Variants in TANC2 observed in about 807,000 individuals in gnomAD.
TANC2 encodes tetratricopeptide repeat, ankyrin repeat and coiled-coil containing 2.
TANC2 carries 26 observed loss-of-function variants against 210.5 expected under a neutral mutation model. That is an observed-to-expected ratio of 0.12 (90% CI 0.09 to 0.17). The LOEUF (loss-of-function observed/expected upper bound fraction) is 0.17. Among genes scored for constraint, TANC2 ranks in the 10% least tolerant of loss-of-function variants. The pLI is 1.00. For missense variants in TANC2, 2,129 were observed against 2,608.9 expected, an observed-to-expected ratio of 0.82 and a Z score of 4.01; for synonymous variants, 931 against 967.1, an observed-to-expected ratio of 0.96 and a Z score of 0.69.
chr17:63,386,643 C>CT (rs1458691722), intron 15 of TANC2, among the ~76,000 whole-genome samples: 1 of 151,988 alleles, frequency 6.6e-6, no homozygotes, highest in Non-Finnish European at 1.5e-5. Context: ...TTTATATGCA[C>CT]TTGTATGTAT....
intron 5 of TANC2, among the ~76,000 whole-genome samples, chr17:63,188,350 T>C (rs2041065731): frequency 6.6e-6 from 1 of 151,766 alleles, no homozygotes; most frequent in Admixed American, 6.6e-5. Flanking sequence ...TCCCAGCACT[T>C]TGAGAGGCCT....
chr17:63,001,164 C>CT (rs1183050485), intron 1 of TANC2, among the ~76,000 whole-genome samples: 2 of 152,034 alleles, frequency 1.3e-5, no homozygotes, highest in Non-Finnish European at 2.9e-5. Flanking sequence ...CCTTTCAAAA[C>CT]TTTGAACAAC....
At chr17:63,386,254 G>T (rs1463823429) in intron 15 of TANC2, among the ~76,000 whole-genome samples, 1 of 152,132 alleles carries the variant, frequency 6.6e-6, no homozygotes, top group Non-Finnish European at 1.5e-5. Flanking sequence ...GACCTTATGT[G>T]AATCCCAATT....
At chr17:63,233,109 T>G (rs1278029213) in intron 7 of TANC2, among the ~76,000 whole-genome samples, 1 of 152,052 alleles carries the variant, frequency 6.6e-6, no homozygotes, top group African/African-American at 2.4e-5. Context: ...CTGGCACCAG[T>G]AGGGGAAAAA....
chr17:63,140,001 A>G (rs1379817863), intron 4 of TANC2, among the ~76,000 whole-genome samples: 1 of 152,180 alleles, frequency 6.6e-6, no homozygotes, highest in Non-Finnish European at 1.5e-5. Flanking sequence ...GATTATAACT[A>G]CTTTTTGTTT....
chr17:63,158,125 G>T (rs186069063), intron 5 of TANC2, among the ~76,000 whole-genome samples: 3 of 152,102 alleles, frequency 2.0e-5, no homozygotes, highest in Non-Finnish European at 4.4e-5. Flanking sequence ...TTTCATAGTG[G>T]TGTCTAGTTC....
At chr17:63,046,322 G>T in intron 2 of TANC2, among the ~76,000 whole-genome samples, 1 of 79,146 alleles carries the variant, frequency 1.3e-5, no homozygotes, top group African/African-American at 7.9e-5. Flanking sequence ...ACCACACCCA[G>T]CTCTTTTTTT....
Position 63,282,906 on chromosome 17 carries a change from G to A in TANC2, c.1159+15033G>A, listed in dbSNP as rs573171772. ...CTTGATTTACAAATATTTTTTCCTC[G>A]TTTATGACTTCTCTTTTCATTCTCT... On this transcript the variant is annotated intron_variant, in intron 9 of 27. Transcript: ENST00000689528. Among the ~76,000 whole-genome samples the A allele has an allele frequency of 5.3e-5, 8 of 151,830 alleles. No individual in the cohort carries two copies. In the South Asian group the frequency reaches 1.2e-3, roughly 24 times the overall value.
In TANC2 at chr17:63,398,880, G is replaced by A. The variant is rs768894916; in HGVS notation, c.3297G>A (p.Gln1099=). Residue 1099 remains glutamine, a synonymous_variant, in exon 19 of 28, where the codon CAG becomes CAA. Transcript: ENST00000689528. The stretch of plus-strand genomic sequence containing the variant: ...ATGAAGAGGAAGTAGAGCGAGCACA[G>A]ATCAACAGCTTTGACAGTCTCTGGG... The A allele has an allele frequency of 1.9e-6, 3 of 1,598,068 alleles. No homozygotes were observed. In the South Asian group the frequency reaches 3.4e-5, roughly 18 times the overall value.
In TANC2 at chr17:63,063,531, CGTGTGT is replaced by C. The variant is rs59132639; in HGVS notation, c.68-10373_68-10368del. Among the ~76,000 whole-genome samples the C allele has an allele frequency of 1.3e-3, 137 of 108,216 alleles. 1 individual carries two copies. Among genetic ancestry groups the C allele is most frequent in the Middle Eastern group, 8.3e-3 (2 of 240 alleles). 71.0% of individuals were successfully genotyped at this position (108,216 alleles called of 152,430 possible). On this transcript the variant is annotated intron_variant, in intron 2 of 27. Transcript: ENST00000689528. ...CCTGTGTCAGAAACTGGGACAAAGA[CGTGTGT>C]GTGTGTGTGTGTGTGTGTGTGTGTG... is the stretch of plus-strand genomic sequence containing the variant.
At chr17:63,132,393 A>G (rs1033537641) in intron 4 of TANC2, among the ~76,000 whole-genome samples, 20 of 152,342 alleles carry the variant, frequency 1.3e-4, no homozygotes, top group Middle Eastern at 3.4e-3. Context: ...AAGTATTTAT[A>G]GAACACCCTC....
At chr17:63,329,732 C>T (rs1469954239) in intron 11 of TANC2, among the ~76,000 whole-genome samples, 1 of 152,098 alleles carries the variant, frequency 6.6e-6, no homozygotes, top group Non-Finnish European at 1.5e-5. Context: ...TTATGTGTTC[C>T]GATGACTCTA....
chr17:63,236,741 G>C (rs1171056057), intron 7 of TANC2, among the ~76,000 whole-genome samples: 1 of 152,046 alleles, frequency 6.6e-6, no homozygotes, highest in African/African-American at 2.4e-5. Flanking sequence ...ACCTGTGAGT[G>C]AGAACATGGA....
exon 28 of TANC2, chr17:63,424,298 A>T (rs1325603557): frequency 6.6e-6 from 1 of 152,224 alleles, no homozygotes; most frequent in Non-Finnish European, 1.5e-5. Flanking sequence ...CAACAGTCAA[A>T]ATGCCATTCT....
Position 63,063,558 on chromosome 17 carries a change from GTGTGTGTGTGTGTGTGT to G in TANC2, c.68-10384_68-10368del, listed in dbSNP as rs1180581434. On this transcript the variant is annotated intron_variant, in intron 2 of 27. Coordinates refer to ENST00000689528, the Ensembl canonical transcript of TANC2. Reference sequence around the variant, plus strand: ...TGTGTGTGTGTGTGTGTGTGTGTGTGTGTGTGTGTGTGTGTGTAGATATATCTCTTACAGTATCACAC... The same window carrying G: ...TGTGTGTGTGTGTGTGTGTGTGTGTGAGATATATCTCTTACAGTATCACAC... 3.7e-5 allele frequency among the ~76,000 whole-genome samples: 4 copies of G among 107,398 alleles called. 1 individual carries two copies. Among genetic ancestry groups the G allele is most frequent in the African/African-American group, 1.1e-4 (2 of 18,476 alleles). 70.5% of individuals were successfully genotyped at this position (107,398 alleles called of 152,430 possible).
At chr17:63,182,497 A>G (rs1055330178) in intron 5 of TANC2, 10 of 261,840 alleles carry the variant, frequency 3.8e-5, no homozygotes, top group Non-Finnish European at 6.1e-5. Context: ...GGTGGAAGGG[A>G]CCCATTTTTA....
chr17:63,111,426 A>G (rs562682207), intron 4 of TANC2, among the ~76,000 whole-genome samples: 14 of 152,226 alleles, frequency 9.2e-5, no homozygotes, highest in Admixed American at 2.0e-4. Flanking sequence ...TTTCCCATGC[A>G]GCAGATCTGT....
chr17:63,301,006 A>G (rs558119036), intron 9 of TANC2, among the ~76,000 whole-genome samples: 1 of 152,316 alleles, frequency 6.6e-6, no homozygotes, highest in African/African-American at 2.4e-5. Flanking sequence ...GAATTTTATC[A>G]AAGACCTTTT....
In TANC2 at chr17:63,213,728, C is replaced by T. The variant is rs562707354; in HGVS notation, c.769+12771C>T. Among the ~76,000 whole-genome samples, 22 of 152,282 alleles carry T rather than the reference C, an allele frequency of 1.4e-4. No homozygotes were observed. The South Asian group carries it at 1.5e-3, about 10-fold the overall frequency. The stretch of plus-strand genomic sequence containing the variant: ...AAGTTTAAGAACCATTGGGCTATTA[C>T]TGAAAGACTGAATATGTGAAATGAA... On this transcript the variant is annotated intron_variant, in intron 7 of 27. Coordinates refer to ENST00000689528, the Ensembl canonical transcript of TANC2.
Sources: allele counts gnomAD v4.1 joint callset (sites outside exome capture counted in the v4.1 genomes callset), GRCh38; gene constraint gnomAD v4.1.1; transcripts MANE v1.5; gene names NCBI Gene and HGNC (gene_info 2026-07-23, HGNC 2026-07-21).